The following LRP1B variants were observed in gnomAD, a reference collection of about 807,000 sequenced individuals.
LRP1B encodes LDL receptor related protein 1B.
LRP1B carries 217 observed loss-of-function variants against 556.6 expected under a neutral mutation model. The ratio of observed to expected loss-of-function variants is 0.39; its 90% CI spans 0.35 to 0.44. LRP1B has a LOEUF of 0.44. Ranked by LOEUF, LRP1B falls within the 20% of genes least tolerant of loss-of-function variation. LRP1B has a pLI of 1.00. For synonymous variants in LRP1B, 2,047 were observed against 1,865.8 expected (o/e 1.10, Z -2.50); for missense variants, 5,053 against 5,620.8 (o/e 0.90, Z 3.23).
chr2:141,866,194 T>C (rs1698409332), intron 1 of LRP1B, among the ~76,000 whole-genome samples: 1 of 152,200 alleles, frequency 6.6e-6, no homozygotes, highest in Non-Finnish European at 1.5e-5. Context: ...AATCCCTTTC[T>C]CTCAGCAATT....
intron 2 of LRP1B, among the ~76,000 whole-genome samples, chr2:141,759,322 T>C (rs977536213): frequency 1.2e-4 from 19 of 152,190 alleles, no homozygotes; most frequent in Admixed American, 1.0e-3. Flanking sequence ...ACATTTATTA[T>C]ATTGCATAAT....
chr2:140,468,218 T>C (rs1687626070), intron 60 of LRP1B, among the ~76,000 whole-genome samples: 1 of 152,192 alleles, frequency 6.6e-6, no homozygotes, highest in South Asian at 2.1e-4. Flanking sequence ...CAGGCCCTGA[T>C]GCAACTCAGG....
chr2:141,068,095 C>A (rs1699527851), intron 7 of LRP1B, among the ~76,000 whole-genome samples: 1 of 151,930 alleles, frequency 6.6e-6, no homozygotes, highest in South Asian at 2.1e-4. Flanking sequence ...GCCCAAATGC[C>A]ATGACTAACC....
At chr2:141,171,450 C>A (rs951130803) in intron 7 of LRP1B, among the ~76,000 whole-genome samples, 1 of 152,004 alleles carries the variant, frequency 6.6e-6, no homozygotes, top group Non-Finnish European at 1.5e-5. Flanking sequence ...TTTTCAGCAC[C>A]AAATTCTATG....
intron 90 of LRP1B, among the ~76,000 whole-genome samples, chr2:140,233,721 T>C (rs112227529): frequency 0.011 from 1,728 of 151,432 alleles, 11 homozygotes; most frequent in Middle Eastern, 0.031. Flanking sequence ...CCGTGGCAAG[T>C]AAGATGTGTT....
intron 2 of LRP1B, among the ~76,000 whole-genome samples, chr2:141,536,058 A>C (rs1419851428): frequency 6.6e-6 from 1 of 152,140 alleles, no homozygotes; most frequent in Non-Finnish European, 1.5e-5. Flanking sequence ...AATTCAGTGT[A>C]ATCAGACTTC....
chr2:141,452,513 A>G (rs1176186675), intron 3 of LRP1B, among the ~76,000 whole-genome samples: 1 of 152,226 alleles, frequency 6.6e-6, no homozygotes, highest in Non-Finnish European at 1.5e-5. Context: ...TGTTTTCTGT[A>G]AACTCTACTG....
At chr2:141,811,199 TA>T (rs1279858590) in intron 1 of LRP1B, among the ~76,000 whole-genome samples, 1 of 152,094 alleles carries the variant, frequency 6.6e-6, no homozygotes, top group African/African-American at 2.4e-5. Context: ...TACATCTTAA[TA>T]TGTCTGAAAT....
intron 35 of LRP1B, among the ~76,000 whole-genome samples, chr2:140,725,310 C>A (rs1345277842): frequency 1.3e-5 from 2 of 149,748 alleles, no homozygotes; most frequent in Non-Finnish European, 3.0e-5. Context: ...CCATTTCAAT[C>A]CAGATATCAA....
chr2:141,179,471 A>G (rs1328505557), intron 7 of LRP1B, among the ~76,000 whole-genome samples: 2 of 152,022 alleles, frequency 1.3e-5, no homozygotes, highest in Non-Finnish European at 2.9e-5. Flanking sequence ...ATCAATCGCA[A>G]TGGCAAAAAT....
At chr2:141,734,337 T>A (rs911738209) in intron 2 of LRP1B, among the ~76,000 whole-genome samples, 1 of 152,134 alleles carries the variant, frequency 6.6e-6, no homozygotes, top group East Asian at 1.9e-4. Flanking sequence ...TTAAGCTATA[T>A]AAATTGTTCA....
chr2:140,457,634 G>A lies in LRP1B; in HGVS notation c.9643C>T (p.Pro3215Ser), dbSNP rs375857535. Residue 3215 changes from proline to serine, a missense_variant, in exon 61 of 91, where the codon CCA (proline) becomes TCA (serine). Transcript: ENST00000389484. ...HRHKVPNQDI[P>S]GVIALTLFED... is the part of the protein sequence containing the mutation. The stretch of plus-strand genomic sequence containing the variant: ...AACAATGTTAGTGCAATCACCCCTG[G>A]AATATCTTGATTAGGGACTGTAATA... The A allele has an allele frequency of 6.2e-7, 1 of 1,612,972 alleles. No homozygotes were observed. The highest frequency in any genetic ancestry group is 8.5e-7 in the Non-Finnish European group (1 of 1,179,192).
intron 35 of LRP1B, among the ~76,000 whole-genome samples, chr2:140,748,798 ACAT>A (rs1688458167): frequency 4.6e-4 from 1 of 2,174 alleles, no homozygotes; most frequent in African/African-American, 9.1e-4. Context: ...TATATTATAT[ACAT>A]ATTATATACA....
intron 7 of LRP1B, among the ~76,000 whole-genome samples, chr2:141,139,552 C>T (rs1182180629): frequency 1.3e-5 from 2 of 149,942 alleles, no homozygotes; most frequent in Non-Finnish European, 1.5e-5. Flanking sequence ...CCAAAAAGGG[C>T]AAAGGGAATA....
intron 3 of LRP1B, among the ~76,000 whole-genome samples, chr2:141,338,240 C>T (rs556468500): frequency 6.6e-6 from 1 of 152,198 alleles, no homozygotes; most frequent in East Asian, 1.9e-4. Flanking sequence ...CTGTGGGACC[C>T]CATTACCACT....
At position 140,534,152 on chromosome 2, in the gene LRP1B, A is replaced by G. The variant is rs1405193502; in HGVS notation, c.7643-12T>C. The stretch of plus-strand genomic sequence containing the variant: ...ACAGCTTCTGTTTTCTTATAAATAA[A>G]AGTAGAAACACACAACCAGAGATCA... On this transcript the variant is annotated splice_polypyrimidine_tract_variant and intron_variant, in intron 46 of 90. Transcript: ENST00000389484. 5.6e-6 allele frequency: 9 copies of G among 1,606,220 alleles called. No individual in the cohort carries two copies. The highest frequency in any genetic ancestry group is 7.7e-6 in the Non-Finnish European group (9 of 1,175,880).
intron 1 of LRP1B, among the ~76,000 whole-genome samples, chr2:141,884,484 A>G (rs1413469584): frequency 6.6e-6 from 1 of 152,172 alleles, no homozygotes; most frequent in Admixed American, 6.6e-5. Context: ...GTATTTACCA[A>G]ACGAAATATG....
At chr2:141,531,475 C>T (rs965469202) in intron 2 of LRP1B, among the ~76,000 whole-genome samples, 5 of 151,932 alleles carry the variant, frequency 3.3e-5, no homozygotes, top group Admixed American at 2.0e-4. Flanking sequence ...TTCATAAAAT[C>T]GACTGTGTCA....
chr2:141,049,723 A>G (rs1698980399), intron 10 of LRP1B, among the ~76,000 whole-genome samples: 1 of 152,102 alleles, frequency 6.6e-6, no homozygotes, highest in Admixed American at 6.6e-5. Flanking sequence ...TTGCATGTGA[A>G]TATATTACAG....
Sources: gnomAD v4.1 joint callset for allele counts (sites outside exome capture counted in the v4.1 genomes callset) on GRCh38, gnomAD v4.1.1 for gene constraint, MANE v1.5 for transcripts, NCBI Gene and HGNC (gene_info 2026-07-23, HGNC 2026-07-21) for gene names.